Variants in TAFA1 observed in about 807,000 individuals in gnomAD.
TAFA1 encodes the protein TAFA chemokine like family member 1, also known as chemokine-like protein TAFA-1.
A neutral mutation model predicts 18.5 loss-of-function variants in TAFA1; 4 were observed. The observed-to-expected ratio is 0.22, with a 90% CI of 0.11 to 0.49. TAFA1 has a LOEUF of 0.49. Ranked by LOEUF, TAFA1 falls within the 20% of genes least tolerant of loss-of-function variation. TAFA1 has a pLI of 0.98. For synonymous variants in TAFA1, 56 were observed against 55.2 expected (o/e 1.01, Z -0.06); for missense variants, 147 against 169.0 (o/e 0.87, Z 0.72).
intron 3 of TAFA1, among the ~76,000 whole-genome samples, chr3:68,515,513 C>A (rs1004316288): frequency 6.6e-6 from 1 of 151,958 alleles, no homozygotes; most frequent in African/African-American, 2.4e-5. Flanking sequence ...GAGTAGCTCC[C>A]CAAAGGAAAA....
At chr3:68,287,064 A>C (rs2068022767) in intron 2 of TAFA1, among the ~76,000 whole-genome samples, 1 of 152,170 alleles carries the variant, frequency 6.6e-6, no homozygotes, top group African/African-American at 2.4e-5. Context: ...GCCTAGAATT[A>C]AAAGTGATCA....
intron 3 of TAFA1, among the ~76,000 whole-genome samples, chr3:68,466,204 C>A (rs936041738): frequency 1.3e-4 from 20 of 152,106 alleles, no homozygotes; most frequent in African/African-American, 4.8e-4. Context: ...TAATTTGTGA[C>A]CATACAGAGA....
chr3:68,037,887 T>G (rs1030091897), intron 2 of TAFA1, among the ~76,000 whole-genome samples: 1 of 152,096 alleles, frequency 6.6e-6, no homozygotes, highest in African/African-American at 2.4e-5. Flanking sequence ...TTTATGCAAG[T>G]GGGAATGCAA....
intron 2 of TAFA1, among the ~76,000 whole-genome samples, chr3:68,151,843 AC>A (rs2065810393): frequency 6.6e-6 from 1 of 152,186 alleles, no homozygotes; most frequent in South Asian, 2.1e-4. Context: ...CCTGTTCTAC[AC>A]CAAAACTTAT....
rs141364748 is a variant in TAFA1 at position 68,346,773 on chromosome 3, A to G, written c.119-70507A>G. 3.8e-3 allele frequency among the ~76,000 whole-genome samples: 582 copies of G among 152,300 alleles called. 1 individual carries two copies. The highest frequency in any genetic ancestry group is 5.2e-3 in the South Asian group (25 of 4,824). On this transcript the variant is annotated intron_variant, in intron 2 of 4. Transcript: ENST00000478136. Reference sequence around the variant, plus strand: ...TAAATTTTCTGTCTAGAGTTGTTCCATATTCTTCAATAATGAGATGTACTG... The same window carrying G: ...TAAATTTTCTGTCTAGAGTTGTTCCGTATTCTTCAATAATGAGATGTACTG...
chr3:68,281,466 C>A (rs1461219157), intron 2 of TAFA1, among the ~76,000 whole-genome samples: 1 of 137,754 alleles, frequency 7.3e-6, no homozygotes, highest in Non-Finnish European at 1.5e-5. Flanking sequence ...TCCACATTAA[C>A]CTTTTTTTTT....
upstream of TAFA1, among the ~76,000 whole-genome samples, chr3:67,999,579 T>G (rs537966249): frequency 3.6e-4 from 55 of 152,156 alleles, no homozygotes; most frequent in Non-Finnish European, 7.2e-4. Context: ...GGATCAGCTG[T>G]GAGCTCTACC....
chr3:68,024,834 A>AC (rs33967574), intron 2 of TAFA1, among the ~76,000 whole-genome samples: 1,416 of 139,480 alleles, frequency 0.01, 21 homozygotes, highest in African/African-American at 0.031. Flanking sequence ...CACACACACA[A>AC]TTATACATTG....
chr3:68,052,234 A>G (rs1201574396), intron 2 of TAFA1, among the ~76,000 whole-genome samples: 1 of 152,118 alleles, frequency 6.6e-6, no homozygotes, highest in Non-Finnish European at 1.5e-5. Flanking sequence ...TTATTTTCTA[A>G]GTATTGAGAT....
intron 3 of TAFA1, among the ~76,000 whole-genome samples, chr3:68,425,272 G>A (rs1243570744): frequency 2.6e-5 from 4 of 151,956 alleles, no homozygotes; most frequent in African/African-American, 9.7e-5. Flanking sequence ...ATGAATTGCT[G>A]TGGTGGATCA....
In TAFA1 at chr3:68,004,714, C is replaced by T. The variant is rs1704328163; in HGVS notation, c.-4+12C>T. ...GCTGGATTTTTCAGGTAAGAAGCAT[C>T]TTTAAGGGTTTAAGATTCAGAAAGC... On this transcript the variant is annotated intron_variant, in intron 1 of 4. Transcript: ENST00000478136. 1 of 152,102 alleles carries T rather than the reference C, an allele frequency of 6.6e-6. No individual in the cohort carries two copies. Among genetic ancestry groups the T allele is most frequent in the African/African-American group, 2.4e-5 (1 of 41,400 alleles). The allele number at this position is 152,102 out of a possible 1,614,324, so 9.4% of individuals were successfully genotyped here. A position where few individuals can be genotyped will look rare whatever the true frequency, so the allele number is the denominator to read the frequency against.
At position 68,430,062 on chromosome 3, in the gene TAFA1, A is replaced by G. The variant is rs1460866801; in HGVS notation, c.259+12642A>G. Among the ~76,000 whole-genome samples the G allele has an allele frequency of 4.6e-5, 7 of 151,952 alleles. 1 individual carries two copies. On this transcript the variant is annotated intron_variant, in intron 3 of 4. Coordinates refer to ENST00000478136, the MANE Select transcript of TAFA1 (RefSeq NM_213609.4). ...CAAAGACAGCCCCTTGCTGTCATGG[A>G]ACCTACAGTCCAGCAGGAGAGACAG... is the stretch of plus-strand genomic sequence containing the variant.
intron 2 of TAFA1, among the ~76,000 whole-genome samples, chr3:68,030,417 C>T (rs1249457780): frequency 6.6e-6 from 1 of 152,086 alleles, no homozygotes; most frequent in East Asian, 1.9e-4. Flanking sequence ...TTCCCCTAAC[C>T]CCCCACCAGC....
chr3:68,152,368 C>T, intron 2 of TAFA1, among the ~76,000 whole-genome samples: 1 of 152,090 alleles, frequency 6.6e-6, no homozygotes, highest in South Asian at 2.1e-4. Flanking sequence ...AATTTTTAGT[C>T]ATGTAAAAAG....
chr3:68,305,408 ACT>A (rs2068389904), intron 2 of TAFA1, among the ~76,000 whole-genome samples: 1 of 27,338 alleles, frequency 3.7e-5, no homozygotes, highest in Non-Finnish European at 7.0e-5. Context: ...TGACTATATG[ACT>A]ATATATATAT....
intron 2 of TAFA1, among the ~76,000 whole-genome samples, chr3:68,123,278 G>A (rs1012454404): frequency 3.3e-5 from 5 of 152,108 alleles, no homozygotes; most frequent in African/African-American, 4.8e-5. Flanking sequence ...TGTTGCCTTC[G>A]GAATAGCATC....
intron 1 of TAFA1, among the ~76,000 whole-genome samples, chr3:68,005,223 A>C (rs1409540011): frequency 6.6e-6 from 1 of 152,238 alleles, no homozygotes. Context: ...GAATGCATGT[A>C]TGTTATCCCA....
At chr3:68,106,385 A>G (rs1240406228) in intron 2 of TAFA1, among the ~76,000 whole-genome samples, 1 of 152,160 alleles carries the variant, frequency 6.6e-6, no homozygotes. Flanking sequence ...AGCCCTTGAA[A>G]CGTGGTTAGC....
At position 68,377,598 on chromosome 3, in the gene TAFA1, A is replaced by G. The variant is rs570984003; in HGVS notation, c.119-39682A>G. On this transcript the variant is annotated intron_variant, in intron 2 of 4. Transcript: ENST00000478136. Reference sequence around the variant, plus strand: ...CATTTTCTTGGTAGAAATTGAAGCTAGCTGCAGAAATTTGCATAAGTAACG... The same window carrying G: ...CATTTTCTTGGTAGAAATTGAAGCTGGCTGCAGAAATTTGCATAAGTAACG... Among the ~76,000 whole-genome samples, 7 of 152,330 alleles carry G rather than the reference A, an allele frequency of 4.6e-5. No homozygotes were observed. The South Asian group carries it at 1.5e-3, about 32-fold the overall frequency.
Sources: gnomAD v4.1 joint callset for allele counts (sites outside exome capture counted in the v4.1 genomes callset) on GRCh38, gnomAD v4.1.1 for gene constraint, MANE v1.5 for transcripts, NCBI Gene and HGNC (gene_info 2026-07-23, HGNC 2026-07-21) for gene names.